BCL2L13: variants seen among roughly 807,000 people sequenced by gnomAD.
BCL2L13 encodes the protein bcl-2-like protein 13.
In BCL2L13, 13 loss-of-function variants were observed where a neutral mutation model predicts 25.8. That is an observed-to-expected ratio of 0.50 (90% CI 0.33 to 0.80). The LOEUF (loss-of-function observed/expected upper bound fraction) is 0.80, where lower values mean the gene tolerates loss of function less well. BCL2L13 is among the 30% of genes least tolerant of loss of function. The pLI is 0.02. For missense variants in BCL2L13, 504 were observed against 574.9 expected, an observed-to-expected ratio of 0.88 and a Z score of 1.26; for synonymous variants, 244 against 230.3, an observed-to-expected ratio of 1.06 and a Z score of -0.54.
intron 2 of BCL2L13, among the ~76,000 whole-genome samples, chr22:17,657,272 A>G (rs1362706246): frequency 6.6e-6 from 1 of 152,294 alleles, no homozygotes; most frequent in African/African-American, 2.4e-5. Flanking sequence ...CACATCCACA[A>G]TGGGGATTGT....
intron 6 of BCL2L13, among the ~76,000 whole-genome samples, chr22:17,722,115 A>G (rs1017852018): frequency 1.1e-4 from 17 of 152,348 alleles, no homozygotes; most frequent in African/African-American, 3.8e-4. Context: ...ATATATGTGC[A>G]TTTAGTAAAT....
chr22:17,654,736 T>C (rs1568932970), intron 1 of BCL2L13, among the ~76,000 whole-genome samples: 1 of 152,000 alleles, frequency 6.6e-6, no homozygotes, highest in Non-Finnish European at 1.5e-5. Context: ...TCTTCTCTTT[T>C]TTTAAGACAG....
At chr22:17,676,100 G>A (rs2059567282) in intron 2 of BCL2L13, among the ~76,000 whole-genome samples, 1 of 152,176 alleles carries the variant, frequency 6.6e-6, no homozygotes, top group Non-Finnish European at 1.5e-5. Flanking sequence ...GTGAGTGGGA[G>A]CACCTGTCGA....
At chr22:17,694,622 T>G (rs2060209718) in intron 4 of BCL2L13, among the ~76,000 whole-genome samples, 1 of 152,218 alleles carries the variant, frequency 6.6e-6, no homozygotes, top group South Asian at 2.1e-4. Flanking sequence ...AGATTGTTTT[T>G]TCTTCCTCAT....
chr22:17,723,144 C>G (rs1033482986), intron 6 of BCL2L13, among the ~76,000 whole-genome samples: 1 of 152,154 alleles, frequency 6.6e-6, no homozygotes, highest in African/African-American at 2.4e-5. Flanking sequence ...ACCAAACCCT[C>G]CCTGTGTCTC....
At chr22:17,652,372 A>G (rs1332760179) in intron 1 of BCL2L13, among the ~76,000 whole-genome samples, 1 of 152,112 alleles carries the variant, frequency 6.6e-6, no homozygotes, top group East Asian at 1.9e-4. Flanking sequence ...CTTAAAACAC[A>G]TTAGCCTGCA....
At chr22:17,709,843 G>A (rs2060696722) in intron 6 of BCL2L13, among the ~76,000 whole-genome samples, 1 of 151,918 alleles carries the variant, frequency 6.6e-6, no homozygotes, top group African/African-American at 2.4e-5. Context: ...GGGAGGCCGA[G>A]GCAGGCAGAT....
intron 4 of BCL2L13, among the ~76,000 whole-genome samples, chr22:17,694,146 T>A (rs2060196248): frequency 1.3e-5 from 2 of 152,166 alleles, no homozygotes; most frequent in South Asian, 2.1e-4. Flanking sequence ...ATAGATTTTT[T>A]TAATTTTAAA....
intron 4 of BCL2L13, among the ~76,000 whole-genome samples, chr22:17,691,417 C>G (rs1337290482): frequency 6.6e-6 from 1 of 152,136 alleles, no homozygotes; most frequent in South Asian, 2.1e-4. Flanking sequence ...GAGGCCGAGG[C>G]GGGCGTATCA....
intron 6 of BCL2L13, among the ~76,000 whole-genome samples, chr22:17,724,865 C>T (rs1193142254): frequency 1.3e-5 from 2 of 152,144 alleles, no homozygotes; most frequent in Non-Finnish European, 2.9e-5. Context: ...TGCGCCTTAC[C>T]CTCTGGGTTG....
chr22:17,643,978 G>A lies in BCL2L13; in HGVS notation c.-51+5092G>A, dbSNP rs1301217408. On this transcript the variant is annotated intron_variant, in intron 1 of 6. Coordinates refer to ENST00000317582, the MANE Select transcript of BCL2L13 (RefSeq NM_015367.4). ...GGCTGGAGTGCAGTGGTGCAATCTC[G>A]GCTCACTGCAAACTCCGCTTCCTGG... Among the ~76,000 whole-genome samples, 4 of 151,304 alleles carry A rather than the reference G, an allele frequency of 2.6e-5. No homozygotes were observed. In the South Asian group the frequency reaches 6.2e-4, roughly 24 times the overall value.
intron 2 of BCL2L13, among the ~76,000 whole-genome samples, chr22:17,656,667 A>G (rs1000485372): frequency 2.0e-5 from 3 of 151,808 alleles, no homozygotes; most frequent in Non-Finnish European, 4.4e-5. Context: ...TATTTGAAAG[A>G]TATTTCCAAA....
intron 1 of BCL2L13, among the ~76,000 whole-genome samples, chr22:17,641,150 A>G (rs975026748): frequency 6.6e-6 from 1 of 152,138 alleles, no homozygotes; most frequent in African/African-American, 2.4e-5. Context: ...TCGGCCTCCC[A>G]AAGTGCTGGG....
At chr22:17,723,363 A>ATT (rs1416786688) in intron 6 of BCL2L13, among the ~76,000 whole-genome samples, 3 of 152,150 alleles carry the variant, frequency 2.0e-5, no homozygotes, top group Non-Finnish European at 2.9e-5. Flanking sequence ...TTAAAGACAG[A>ATT]TTTTACTTTA....
intron 3 of BCL2L13, 86 bp downstream of exon 3, chr22:17,683,407 G>T: frequency 2.6e-6 from 2 of 760,682 alleles, no homozygotes; most frequent in Non-Finnish European, 4.3e-6. Flanking sequence ...TTACAGTGGG[G>T]TATTCTCAAC....
intron 6 of BCL2L13, among the ~76,000 whole-genome samples, chr22:17,724,473 A>G (rs1286741606): frequency 1.3e-5 from 2 of 152,212 alleles, no homozygotes; most frequent in Non-Finnish European, 2.9e-5. Context: ...TTCCATACTC[A>G]TAGAACATCC....
chr22:17,639,431 G>T (rs185631986), intron 1 of BCL2L13, among the ~76,000 whole-genome samples: 4 of 152,208 alleles, frequency 2.6e-5, no homozygotes, highest in African/African-American at 9.7e-5. Flanking sequence ...AGGCAGTACA[G>T]TTCACACGGA....
At chr22:17,652,447 C>CT (rs1470243929) in intron 1 of BCL2L13, among the ~76,000 whole-genome samples, 1 of 151,894 alleles carries the variant, frequency 6.6e-6, no homozygotes, top group Admixed American at 6.6e-5. Context: ...TATCAAATTT[C>CT]TTTTTTTTGA....
At chr22:17,676,565 C>T (rs927031896) in intron 2 of BCL2L13, among the ~76,000 whole-genome samples, 54 of 152,282 alleles carry the variant, frequency 3.5e-4, no homozygotes, top group Non-Finnish European at 5.4e-4. Context: ...AACCACTTTA[C>T]GGCTGTTTTC....
Sources: gnomAD v4.1 joint callset for allele counts (sites outside exome capture counted in the v4.1 genomes callset) on GRCh38, gnomAD v4.1.1 for gene constraint, MANE v1.5 for transcripts, NCBI Gene and HGNC (gene_info 2026-07-23, HGNC 2026-07-21) for gene names.